CENPP: variants seen among roughly 807,000 people sequenced by gnomAD.
CENPP encodes the protein centromere protein P.
CENPP carries 24 observed loss-of-function variants against 35.6 expected under a neutral mutation model. The ratio of observed to expected loss-of-function variants is 0.67; its 90% confidence interval spans 0.49 to 0.95. The LOEUF (loss-of-function observed/expected upper bound fraction) is 0.95, where lower values mean the gene tolerates loss of function less well. Ranked by LOEUF, CENPP falls within the 40% of genes least tolerant of loss-of-function variation. CENPP has a pLI of 0.00. For synonymous variants in CENPP, 120 were observed against 125.5 expected, an observed-to-expected ratio of 0.96 and a Z score of 0.29; for missense variants, 332 against 345.3, an observed-to-expected ratio of 0.96 and a Z score of 0.31.
At chr9:92,491,572 C>G (rs1846172791) in intron 5 of CENPP, among the ~76,000 whole-genome samples, 1 of 152,114 alleles carries the variant, frequency 6.6e-6, no homozygotes. Context: ...ACTGTCCTCT[C>G]CTTGTCTTGC....
intron 5 of CENPP, among the ~76,000 whole-genome samples, chr9:92,396,351 A>G (rs1406426340): frequency 6.6e-6 from 1 of 151,854 alleles, no homozygotes; most frequent in Non-Finnish European, 1.5e-5. Flanking sequence ...ATTTTTATAT[A>G]TATTTTAGAA....
At chr9:92,442,254 C>T (rs1000883090) in intron 5 of CENPP, among the ~76,000 whole-genome samples, 18 of 151,638 alleles carry the variant, frequency 1.2e-4, no homozygotes, top group Middle Eastern at 3.4e-3. Flanking sequence ...AAAAATTAGC[C>T]GAGCGTGGTG....
chr9:92,407,050 G>A (rs1002463937), intron 5 of CENPP, among the ~76,000 whole-genome samples: 9 of 152,158 alleles, frequency 5.9e-5, no homozygotes, highest in East Asian at 3.8e-4. Flanking sequence ...GGGGAGATGC[G>A]TAGGGGCAGT....
At chr9:92,431,075 T>TG (rs1395925257) in intron 5 of CENPP, among the ~76,000 whole-genome samples, 1 of 152,182 alleles carries the variant, frequency 6.6e-6, no homozygotes, top group Non-Finnish European at 1.5e-5. Context: ...ATTACAGGCG[T>TG]GAGCCACTGC....
chr9:92,379,311 T>G (rs1454999773), intron 4 of CENPP, among the ~76,000 whole-genome samples: 1 of 152,220 alleles, frequency 6.6e-6, no homozygotes, highest in African/African-American at 2.4e-5. Flanking sequence ...GTGTTTGATG[T>G]GTTTTCCTGG....
chr9:92,484,810 G>T (rs972519591), intron 5 of CENPP, among the ~76,000 whole-genome samples: 1 of 152,172 alleles, frequency 6.6e-6, no homozygotes, highest in African/African-American at 2.4e-5. Context: ...CATATCTAGA[G>T]AGTTGAGAGG....
chr9:92,483,754 A>G (rs1845986282), intron 5 of CENPP, among the ~76,000 whole-genome samples: 1 of 152,196 alleles, frequency 6.6e-6, no homozygotes, highest in African/African-American at 2.4e-5. Context: ...TAAAGAATAC[A>G]TGTGCCTCAG....
chr9:92,426,562 G>C (rs2130980035), intron 5 of CENPP, among the ~76,000 whole-genome samples: 1 of 152,278 alleles, frequency 6.6e-6, no homozygotes, highest in Admixed American at 6.5e-5. Context: ...CGATGGAAGA[G>C]AATAATGCAA....
chr9:92,514,921 C>G, intron 5 of CENPP: 1 of 1,614,010 alleles, frequency 6.2e-7, no homozygotes, highest in African/African-American at 1.3e-5. Flanking sequence ...CCTCTCCTCT[C>G]CAGGCCTCTG....
At chr9:92,403,530 G>A (rs1843205436) in intron 5 of CENPP, 2 of 1,415,176 alleles carry the variant, frequency 1.4e-6, no homozygotes, top group East Asian at 4.9e-5. Flanking sequence ...AAAGCTTAGA[G>A]GATGTTTTGG....
intron 5 of CENPP, chr9:92,403,193 G>A: frequency 7.5e-7 from 1 of 1,337,062 alleles, no homozygotes; most frequent in Non-Finnish European, 1.0e-6. Context: ...ATTTAAATGG[G>A]CAGTATTTTA....
At chr9:92,327,000 GA>G (rs1840555347) in intron 1 of CENPP, among the ~76,000 whole-genome samples, 4 of 152,260 alleles carry the variant, frequency 2.6e-5, no homozygotes, top group South Asian at 4.1e-4. Flanking sequence ...AAAGGGAGAG[GA>G]AAAAGGTGTG....
At chr9:92,497,749 T>C (rs1233356554) in intron 5 of CENPP, among the ~76,000 whole-genome samples, 1 of 151,164 alleles carries the variant, frequency 6.6e-6, no homozygotes, top group South Asian at 2.1e-4. Flanking sequence ...GTGTTGGAGG[T>C]GGTGCTTAAT....
chr9:92,517,374 G>A (rs906286516), intron 5 of CENPP: 1 of 528,652 alleles, frequency 1.9e-6, no homozygotes, highest in Non-Finnish European at 3.4e-6. Context: ...AGCCCTTAAT[G>A]CAATAAGAAT....
intron 4 of CENPP, among the ~76,000 whole-genome samples, chr9:92,376,465 A>G (rs1217177680): frequency 4.6e-5 from 7 of 152,192 alleles, no homozygotes; most frequent in African/African-American, 1.4e-4. Flanking sequence ...AAGAGTGGAT[A>G]TTTAATAGGT....
At chr9:92,437,961 C>G (rs1193061223) in intron 5 of CENPP, among the ~76,000 whole-genome samples, 2 of 151,312 alleles carry the variant, frequency 1.3e-5, no homozygotes, top group Non-Finnish European at 2.9e-5. Flanking sequence ...GCATGTGCCT[C>G]CACACCTGGC....
In CENPP at chr9:92,547,198, A is replaced by G. The variant is rs1221686702; in HGVS notation, c.565-64116A>G. Among the ~76,000 whole-genome samples, 3 of 152,364 alleles carry G rather than the reference A, an allele frequency of 2.0e-5. No homozygotes were observed. The South Asian group carries it at 6.2e-4, about 32-fold the overall frequency. ...AAATTCAACAGCCATTAGTGTTTTA[A>G]AAAGAATAAAGAAAGCAAATGTTTA... On this transcript the variant is annotated intron_variant, in intron 5 of 7. Transcript: ENST00000375587.
intron 5 of CENPP, chr9:92,511,995 CAG>C: frequency 1.3e-6 from 2 of 1,573,994 alleles, no homozygotes; most frequent in Non-Finnish European, 1.7e-6. Context: ...ATAGACAAAT[CAG>C]AGCATGTATT....
intron 5 of CENPP, among the ~76,000 whole-genome samples, chr9:92,428,975 TC>T (rs2130983814): frequency 6.6e-6 from 1 of 152,240 alleles, no homozygotes; most frequent in African/African-American, 2.4e-5. Flanking sequence ...TACCTCTCAA[TC>T]TTGTTGTTAG....
Sources: gnomAD v4.1 joint callset for allele counts (sites outside exome capture counted in the v4.1 genomes callset) on GRCh38, gnomAD v4.1.1 for gene constraint, MANE v1.5 for transcripts, NCBI Gene and HGNC (gene_info 2026-07-23, HGNC 2026-07-21) for gene names.